LDLRAD4: variants seen among roughly 807,000 people sequenced by gnomAD.
The protein encoded by LDLRAD4 is low-density lipoprotein receptor class A domain-containing protein 4.
In LDLRAD4, 5 loss-of-function variants were observed where a neutral mutation model predicts 17.0. That is an observed-to-expected ratio of 0.29 (90% confidence interval 0.15 to 0.62). The LOEUF is 0.62. LDLRAD4 is among the 20% of genes least tolerant of loss of function. The pLI, the probability that LDLRAD4 is intolerant of heterozygous loss-of-function variation, is 0.84. For missense variants in LDLRAD4, 340 were observed against 424.7 expected, an observed-to-expected ratio of 0.80 and a Z score of 1.75; for synonymous variants, 168 against 171.8, an observed-to-expected ratio of 0.98 and a Z score of 0.17.
intron 4 of LDLRAD4, among the ~76,000 whole-genome samples, chr18:13,640,274 C>G (rs1456617437): frequency 1.8e-5 from 2 of 113,866 alleles, no homozygotes; most frequent in African/African-American, 3.6e-5. Flanking sequence ...GCCTGGGCAA[C>G]AGAGCGAGAT....
intron 4 of LDLRAD4, among the ~76,000 whole-genome samples, chr18:13,625,482 G>A (rs896643575): frequency 3.3e-5 from 5 of 152,114 alleles, no homozygotes; most frequent in Non-Finnish European, 7.4e-5. Flanking sequence ...TGACCACAAG[G>A]AAGGGCCAGA....
intron 3 of LDLRAD4, among the ~76,000 whole-genome samples, chr18:13,606,399 G>A (rs1400027802): frequency 2.0e-5 from 3 of 152,180 alleles, no homozygotes; most frequent in Admixed American, 2.0e-4. Flanking sequence ...ATATTAGGAA[G>A]CTATTTTAAA....
intron 1 of LDLRAD4, among the ~76,000 whole-genome samples, chr18:13,284,988 G>A (rs892716128): frequency 4.6e-5 from 7 of 152,224 alleles, no homozygotes; most frequent in East Asian, 1.9e-4. Context: ...CTCTCAAGCC[G>A]ATGTGAGACG....
chr18:13,548,514 C>T (rs937165021), intron 3 of LDLRAD4, among the ~76,000 whole-genome samples: 10 of 152,240 alleles, frequency 6.6e-5, no homozygotes, highest in Admixed American at 5.9e-4. Flanking sequence ...CAAGTATGTG[C>T]ACACCTGGTC....
intron 1 of LDLRAD4, among the ~76,000 whole-genome samples, chr18:13,247,955 C>CCA (rs1567930469): frequency 7.7e-6 from 1 of 130,214 alleles, no homozygotes; most frequent in Non-Finnish European, 1.6e-5. Context: ...AGCGCCGCCC[C>CCA]CCGCCTTTTT....
intron 1 of LDLRAD4, among the ~76,000 whole-genome samples, chr18:13,232,745 C>T (rs887636879): frequency 3.9e-5 from 6 of 152,224 alleles, no homozygotes; most frequent in Non-Finnish European, 8.8e-5. Context: ...ACTGGCTTCG[C>T]AGCTTCCTGC....
chr18:13,400,266 AAG>A (rs2087058533), intron 2 of LDLRAD4, among the ~76,000 whole-genome samples: 1 of 152,212 alleles, frequency 6.6e-6, no homozygotes, highest in Non-Finnish European at 1.5e-5. Context: ...CGTGGGGTAA[AAG>A]AGAGGGAATC....
At position 13,435,440 on chromosome 18, in the gene LDLRAD4, A is replaced by AT. The variant is rs911704718; in HGVS notation, c.41-2796dup. Among the ~76,000 whole-genome samples the AT allele has an allele frequency of 3.7e-4, 57 of 152,058 alleles. 1 individual carries two copies. In the South Asian group the frequency reaches 6.7e-3, roughly 18 times the overall value. On this transcript the variant is annotated intron_variant, in intron 2 of 5. Coordinates refer to ENST00000359446, the Ensembl canonical transcript of LDLRAD4. ...CTGAGATTTAGATTTTATAAATTTG[A>AT]TTTTTTTTAATTTTTAATTTTTTAG...
rs143865868 is a variant in LDLRAD4 at position 13,495,238 on chromosome 18, C to T, written c.181+56854C>T. On this transcript the variant is annotated intron_variant, in intron 3 of 5. Transcript: ENST00000359446. ...CAGGAATCATTTTGTCTCATGGCCT[C>T]GCTCCCTGCGTGGGGAGGTGGTTTC... Among the ~76,000 whole-genome samples the T allele has an allele frequency of 8.1e-3, 1,226 of 152,278 alleles. 15 individuals are homozygous for T. The highest frequency in any genetic ancestry group is 0.027 in the African/African-American group (1,117 of 41,542).
At chr18:13,306,672 A>T (rs1376221962) in intron 1 of LDLRAD4, among the ~76,000 whole-genome samples, 1 of 152,248 alleles carries the variant, frequency 6.6e-6, no homozygotes, top group Non-Finnish European at 1.5e-5. Context: ...CCACTGTTGT[A>T]ACAGAAAAAA....
At chr18:13,437,436 C>A (rs1380247038) in intron 2 of LDLRAD4, among the ~76,000 whole-genome samples, 1 of 152,196 alleles carries the variant, frequency 6.6e-6, no homozygotes, top group Non-Finnish European at 1.5e-5. Flanking sequence ...TTCCTTTATT[C>A]TTCATTGCTT....
At chr18:13,350,822 G>A (rs1451923370) in intron 1 of LDLRAD4, among the ~76,000 whole-genome samples, 1 of 152,160 alleles carries the variant, frequency 6.6e-6, no homozygotes, top group Non-Finnish European at 1.5e-5. Flanking sequence ...GTGTAAGGAA[G>A]GGTCCAGTTT....
At chr18:13,484,739 A>C (rs765323264) in intron 3 of LDLRAD4, among the ~76,000 whole-genome samples, 1 of 152,208 alleles carries the variant, frequency 6.6e-6, no homozygotes, top group Non-Finnish European at 1.5e-5. Context: ...AGAGACAGGC[A>C]CTAATGCACA....
At chr18:13,608,729 G>A (rs1312409255) in intron 3 of LDLRAD4, among the ~76,000 whole-genome samples, 2 of 152,200 alleles carry the variant, frequency 1.3e-5, no homozygotes, top group Non-Finnish European at 2.9e-5. Context: ...GCAACTACCT[G>A]CAGATGGAAC....
intron 1 of LDLRAD4, among the ~76,000 whole-genome samples, chr18:13,267,061 T>G (rs1296000905): frequency 6.6e-6 from 1 of 152,254 alleles, no homozygotes; most frequent in African/African-American, 2.4e-5. Context: ...TGTGAAAATA[T>G]TCTCAGACTG....
chr18:13,466,189 G>A (rs2146655924), intron 3 of LDLRAD4, among the ~76,000 whole-genome samples: 1 of 152,234 alleles, frequency 6.6e-6, no homozygotes, highest in African/African-American at 2.4e-5. Flanking sequence ...AGAAAATCAG[G>A]CCTGGGCACG....
chr18:13,392,018 A>G (rs1185469093), intron 2 of LDLRAD4, among the ~76,000 whole-genome samples: 5 of 152,212 alleles, frequency 3.3e-5, no homozygotes, highest in Admixed American at 3.3e-4. Context: ...TCTTCTGTAT[A>G]TTTGATTATT....
At chr18:13,325,756 CCT>C (rs948570328) in intron 1 of LDLRAD4, among the ~76,000 whole-genome samples, 1 of 151,400 alleles carries the variant, frequency 6.6e-6, no homozygotes, top group Middle Eastern at 3.4e-3. Flanking sequence ...AAACTTTTTT[CCT>C]TTTTTTTTTT....
chr18:13,532,870 A>C (rs546384667), intron 3 of LDLRAD4, among the ~76,000 whole-genome samples: 1 of 152,340 alleles, frequency 6.6e-6, no homozygotes, highest in African/African-American at 2.4e-5. Context: ...CCAGGCTCCC[A>C]AGCTGAGGGT....
Sources: allele counts gnomAD v4.1 joint callset (sites outside exome capture counted in the v4.1 genomes callset), GRCh38; gene constraint gnomAD v4.1.1; transcripts MANE v1.5; gene names NCBI Gene and HGNC (gene_info 2026-07-23, HGNC 2026-07-21).